The following RRP12 variants were observed in gnomAD, a reference collection of about 807,000 sequenced individuals.
RRP12 encodes the protein RRP12-like protein.
In RRP12, 78 loss-of-function variants were observed where a neutral mutation model predicts 157.3. The observed-to-expected ratio is 0.50, with a 90% confidence interval of 0.41 to 0.60. The LOEUF (loss-of-function observed/expected upper bound fraction) is 0.60. RRP12 is among the 20% of genes least tolerant of loss of function. The pLI is 0.00. For missense variants in RRP12, 1,521 were observed against 1,679.9 expected, an observed-to-expected ratio of 0.91 and a Z score of 1.65; for synonymous variants, 726 against 670.9, an observed-to-expected ratio of 1.08 and a Z score of -1.27.
Position 97,385,242 on chromosome 10 carries a change from C to G in RRP12, c.1132G>C (p.Val378Leu). The G allele has an allele frequency of 6.2e-7, 1 of 1,613,964 alleles. No individual in the cohort carries two copies. The highest frequency in any genetic ancestry group is 8.5e-7 in the Non-Finnish European group (1 of 1,179,848). Residue 378 changes from valine (V) to leucine (L), a missense_variant, in exon 10 of 34, where the codon GTT becomes CTT. Val to Leu is a conservative substitution (Grantham distance 32, BLOSUM62 1). Transcript: ENST00000370992. Reference sequence around the variant, plus strand: ...GGTTGTAAATCATTCTCACTGGGAACATAGTCGTACAGGGCCTAAAAGTGG... The same window carrying G: ...GGTTGTAAATCATTCTCACTGGGAAGATAGTCGTACAGGGCCTAAAAGTGG... ...AQIITALYDY[V>L]PSENDLQPLL...
intron 2 of RRP12, among the ~76,000 whole-genome samples, chr10:97,397,463 A>G (rs1321719861): frequency 6.6e-6 from 1 of 152,042 alleles, no homozygotes; most frequent in Non-Finnish European, 1.5e-5. Context: ...CGCCTGGTAT[A>G]TTATTATTAT....
chr10:97,363,463 C>T (rs1564748213), intron 30 of RRP12, among the ~76,000 whole-genome samples: 1 of 152,198 alleles, frequency 6.6e-6, no homozygotes, highest in Non-Finnish European at 1.5e-5. Context: ...GTACGCTCCT[C>T]TGGTCACTGG....
chr10:97,368,515 G>A (rs372335280), intron 25 of RRP12, among the ~76,000 whole-genome samples: 118 of 150,720 alleles, frequency 7.8e-4, no homozygotes, highest in Middle Eastern at 7.1e-3. Flanking sequence ...CTGCCACCTC[G>A]CCCAGCTAAT....
Position 97,401,188 on chromosome 10 carries a change from A to G in RRP12, c.44T>C (p.Leu15Ser). ...GCTGTGGCCTTTCTTCCAGCGCTTC[A>G]ACTTAGCTGAGACACCAGAAGGCAA... Reference protein sequence around the residue: ...GKLPSGVSAKLKRWKKGHSSD... With the variant: ...GKLPSGVSAKSKRWKKGHSSD... Residue 15 changes from leucine to serine, a missense_variant, in exon 1 of 34, where the codon TTG becomes TCG. Leu to Ser is a moderately radical substitution (Grantham distance 145). Coordinates refer to ENST00000370992, the MANE Select transcript of RRP12 (RefSeq NM_015179.4). 6.2e-7 allele frequency: 1 copy of G among 1,614,048 alleles called. No individual in the cohort carries two copies. Among genetic ancestry groups the G allele is most frequent in the Non-Finnish European group, 8.5e-7 (1 of 1,179,994 alleles).
At chr10:97,368,205 A>AT (rs1844044657) in intron 25 of RRP12, among the ~76,000 whole-genome samples, 1 of 143,108 alleles carries the variant, frequency 7.0e-6, no homozygotes, top group Non-Finnish European at 1.5e-5. Flanking sequence ...TAATTTTTGT[A>AT]TTTTTTAGTA....
intron 15 of RRP12, among the ~76,000 whole-genome samples, chr10:97,378,683 C>A (rs945598087): frequency 4.6e-5 from 7 of 151,978 alleles, no homozygotes; most frequent in South Asian, 2.1e-4. Context: ...ATGGCAAAAC[C>A]CTGTCGCTAC....
chr10:97,368,910 A>G (rs1844061675), intron 25 of RRP12, among the ~76,000 whole-genome samples: 1 of 152,242 alleles, frequency 6.6e-6, no homozygotes, highest in Admixed American at 6.5e-5. Flanking sequence ...CTTGGCTGGA[A>G]GCCTACGCCA....
intron 2 of RRP12, among the ~76,000 whole-genome samples, chr10:97,397,170 G>GTTT (rs1334701908): frequency 6.6e-6 from 1 of 151,918 alleles, no homozygotes; most frequent in African/African-American, 2.4e-5. Flanking sequence ...TGTTGTTGTT[G>GTTT]TTGTTTTTGA....
intron 28 of RRP12, 79 bp from the exon 29 acceptor site, chr10:97,366,312 C>A: frequency 6.3e-7 from 1 of 1,579,002 alleles, no homozygotes; most frequent in South Asian, 1.1e-5. Context: ...ACAAGCCCGG[C>A]TCAGGGATCC....
chr10:97,372,968 G>T, intron 18 of RRP12, 78 bp downstream of exon 18: 1 of 1,496,064 alleles, frequency 6.7e-7, no homozygotes. Context: ...GAGCCCTGGT[G>T]GGTAGGGTCT....
chr10:97,376,212 CTTTTTT>C (rs771016888), intron 15 of RRP12, among the ~76,000 whole-genome samples: 1 of 107,534 alleles, frequency 9.3e-6, no homozygotes, highest in South Asian at 3.3e-4. Flanking sequence ...CTTTTACTTT[CTTTTTT>C]TTTTTTTTTT....
chr10:97,394,108 CGAG>C (rs1341048217), intron 3 of RRP12, among the ~76,000 whole-genome samples: 1 of 151,968 alleles, frequency 6.6e-6, no homozygotes, highest in Non-Finnish European at 1.5e-5. Context: ...TTTGGGAGGC[CGAG>C]GAGGGCAGAT....
intron 8 of RRP12, among the ~76,000 whole-genome samples, chr10:97,387,157 C>T (rs376526348): frequency 1.8e-3 from 278 of 152,128 alleles, no homozygotes; most frequent in African/African-American, 6.6e-3. Flanking sequence ...CTTTAAATCA[C>T]CTGGATTACT....
chr10:97,398,039 ATTTTTTTTTTT>A (rs1184698036), intron 2 of RRP12, among the ~76,000 whole-genome samples: 790 of 55,962 alleles, frequency 0.014, 32 homozygotes, highest in Admixed American at 0.023. Context: ...ATATATACGT[ATTTTTTTTTTT>A]TTTTTTTTTT....
intron 4 of RRP12, among the ~76,000 whole-genome samples, chr10:97,391,789 C>T (rs1004651232): frequency 2.0e-5 from 3 of 151,886 alleles, no homozygotes; most frequent in East Asian, 1.9e-4. Flanking sequence ...GACGTGGTGG[C>T]GGGCGCCTGT....
intron 9 of RRP12, among the ~76,000 whole-genome samples, chr10:97,385,543 G>A (rs929114811): frequency 3.4e-5 from 5 of 149,230 alleles, no homozygotes; most frequent in African/African-American, 4.9e-5. Flanking sequence ...AAAAAAAAAC[G>A]TACATTTTGC....
At chr10:97,371,718 C>T (rs1178379271) in intron 20 of RRP12, 3 of 220,010 alleles carry the variant, frequency 1.4e-5, no homozygotes, top group Non-Finnish European at 2.8e-5. Flanking sequence ...ATCAGGGAGG[C>T]TTAAGGCAGC....
At chr10:97,360,893 C>T (rs369438019) in intron 30 of RRP12, among the ~76,000 whole-genome samples, 4 of 152,242 alleles carry the variant, frequency 2.6e-5, no homozygotes, top group African/African-American at 9.6e-5. Flanking sequence ...CTCTGGGCCC[C>T]ACCCAGGCCT....
chr10:97,360,425 G>A (rs748651292), intron 31 of RRP12, 121 bp downstream of exon 31: 8 of 774,576 alleles, frequency 1.0e-5, no homozygotes, highest in African/African-American at 1.7e-5. Flanking sequence ...CTCTGTTGGT[G>A]CCAAGTGAGT....
Sources: gnomAD v4.1 joint callset for allele counts (sites outside exome capture counted in the v4.1 genomes callset) on GRCh38, gnomAD v4.1.1 for gene constraint, MANE v1.5 for transcripts, NCBI Gene and HGNC (gene_info 2026-07-23, HGNC 2026-07-21) for gene names.